The following ZNF780A variants were observed in gnomAD, a reference collection of about 807,000 sequenced individuals.
The protein encoded by ZNF780A is zinc finger protein 780A.
ZNF780A carries 40 observed loss-of-function variants against 56.7 expected under a neutral mutation model. That is an observed-to-expected ratio of 0.71 (90% confidence interval 0.55 to 0.92). The LOEUF (loss-of-function observed/expected upper bound fraction) is 0.92. ZNF780A is among the 40% of genes least tolerant of loss of function. The pLI, the probability that ZNF780A is intolerant of heterozygous loss-of-function variation, is 0.00. For synonymous variants in ZNF780A, 231 were observed against 248.3 expected (o/e 0.93, Z 0.66); for missense variants, 672 against 783.3 (o/e 0.86, Z 1.70).
chr19:40,084,525 G>A (rs1599849748), intron 3 of ZNF780A, among the ~76,000 whole-genome samples: 1 of 151,928 alleles, frequency 6.6e-6, no homozygotes, highest in Non-Finnish European at 1.5e-5. Context: ...AGCACAGACT[G>A]AATAACTTTT....
At position 40,074,131 on chromosome 19, in the gene ZNF780A, G is replaced by T; in HGVS notation, c.*385C>A. On this transcript the variant is annotated 3_prime_UTR_variant, in exon 6 of 6. Coordinates refer to ENST00000683561, the MANE Select transcript of ZNF780A (RefSeq NM_001142578.2). ...TTCTCACCAGTATGAATACTCTGAT[G>T]TTGAACAAGGTTTGAGCCACTATTG... The T allele has an allele frequency of 7.4e-7, 1 of 1,355,238 alleles. No homozygotes were observed. The highest frequency in any genetic ancestry group is 9.7e-7 in the Non-Finnish European group (1 of 1,034,998). The allele number at this position is 1,355,238 out of a possible 1,614,324, so 84.0% of individuals were successfully genotyped here. A position where few individuals can be genotyped will look rare whatever the true frequency, so the allele number is the denominator to read the frequency against.
intron 5 of ZNF780A, among the ~76,000 whole-genome samples, chr19:40,076,981 T>C (rs1008522048): frequency 2.6e-5 from 4 of 152,164 alleles, no homozygotes; most frequent in African/African-American, 7.2e-5. Context: ...TCACTACTAC[T>C]ACCATCACCC....
At chr19:40,081,949 T>C in intron 4 of ZNF780A, 35 bp from the exon 5 acceptor site, 1 of 1,519,978 alleles carries the variant, frequency 6.6e-7, no homozygotes, top group Non-Finnish European at 8.9e-7. Flanking sequence ...AGAATTTTTT[T>C]AATACAGATT....
At chr19:40,085,877 TA>T (rs908578792) in intron 2 of ZNF780A, among the ~76,000 whole-genome samples, 14 of 150,438 alleles carry the variant, frequency 9.3e-5, no homozygotes, top group Non-Finnish European at 1.6e-4. Context: ...AGCCTTCATA[TA>T]AAAAAAAATT....
chr19:40,083,777 T>C (rs1156744282), intron 3 of ZNF780A, among the ~76,000 whole-genome samples: 1 of 152,104 alleles, frequency 6.6e-6, no homozygotes, highest in Non-Finnish European at 1.5e-5. Flanking sequence ...TCATGACAAC[T>C]GATTTTTATA....
rs948384988 is a variant in ZNF780A at position 40,074,454 on chromosome 19, G to A, written c.*62C>T. On this transcript the variant is annotated 3_prime_UTR_variant, in exon 6 of 6. Transcript: ENST00000683561. ...CATTCACATGGTTTTACACCAGCAC[G>A]AATACTCTGATGTTGAACATGGTTT... The A allele has an allele frequency of 7.3e-5, 117 of 1,598,214 alleles. No homozygotes were observed. The highest frequency in any genetic ancestry group is 1.7e-4 in the Middle Eastern group (1 of 6,012).
Position 40,074,826 on chromosome 19 carries a change from C to T in ZNF780A, c.1616G>A (p.Arg539His), listed in dbSNP as rs144970820. Residue 539 changes from arginine (R) to histidine (H), a missense_variant, in exon 6 of 6, where the codon CGT becomes CAT. By Grantham distance (29) the Arg-to-His change is conservative. Transcript: ENST00000683561. ...ATGTTGATTAAGATTTGAACCACGA[C>T]GAAAGAATTTCCCACATTCCTTACA... ...FECKECGKFF[R>H]RGSNLNQHRS... The T allele has an allele frequency of 9.7e-5, 156 of 1,614,064 alleles. No homozygotes were observed. The highest frequency in any genetic ancestry group is 1.6e-4 in the South Asian group (15 of 91,068).
chr19:40,089,395 A>G (rs191621096), intron 2 of ZNF780A: 333 of 954,560 alleles, frequency 3.5e-4, no homozygotes, highest in Non-Finnish European at 4.7e-4. Flanking sequence ...AATGAATCAC[A>G]TATTCCCAAT....
intron 3 of ZNF780A, 143 bp from the exon 4 acceptor site, chr19:40,083,380 G>T: frequency 1.5e-6 from 2 of 1,323,496 alleles, no homozygotes; most frequent in Non-Finnish European, 2.0e-6. Context: ...GAAGTCTCCT[G>T]CTGGCTGAGT....
In ZNF780A at chr19:40,075,050, A is replaced by G; in HGVS notation, c.1392T>C (p.Ser464=). Residue 464 remains serine, a synonymous_variant, in exon 6 of 6, where the codon TCT becomes TCC. Transcript: ENST00000683561. ...FRYHCQLIEH[S]RIHTGDKPFE... is the part of the protein sequence containing the mutation. ...ATGGCTTGTCACCAGTATGAATTCGAGAATGTTCAATAAGTTGGCAATGAT... is the reference window on the plus strand; with the variant it reads ...ATGGCTTGTCACCAGTATGAATTCGGGAATGTTCAATAAGTTGGCAATGAT... 1 of 1,614,136 alleles carries G rather than the reference A, an allele frequency of 6.2e-7. No homozygotes were observed. The highest frequency in any genetic ancestry group is 8.5e-7 in the Non-Finnish European group (1 of 1,180,034).
At chr19:40,089,123 A>G in intron 2 of ZNF780A, 1 of 806,372 alleles carries the variant, frequency 1.2e-6, no homozygotes. Context: ...GGGTATCTCC[A>G]ATTAATAACA....
chr19:40,081,619 T>C (rs1203885246), intron 5 of ZNF780A, among the ~76,000 whole-genome samples, 200 bp downstream of exon 5: 1 of 151,972 alleles, frequency 6.6e-6, no homozygotes, highest in Non-Finnish European at 1.5e-5. Context: ...AGAAATTAGG[T>C]GATTAGTAAA....
intron 2 of ZNF780A, among the ~76,000 whole-genome samples, chr19:40,087,230 G>A (rs7258974): frequency 0.093 from 14,129 of 152,024 alleles, 1,173 homozygotes; most frequent in African/African-American, 0.21. Flanking sequence ...TTTTGATTCT[G>A]GACTACAGTT....
chr19:40,089,410 C>A, intron 2 of ZNF780A: 1 of 855,696 alleles, frequency 1.2e-6, no homozygotes. Context: ...CCCAATGCTC[C>A]TGTTCTGTAG....
intron 2 of ZNF780A, among the ~76,000 whole-genome samples, chr19:40,086,137 G>GAA (rs200817318): frequency 0.093 from 14,079 of 151,892 alleles, 1,163 homozygotes; most frequent in African/African-American, 0.21. Flanking sequence ...CTTGGGGTGG[G>GAA]AAATCAGCAT....
chr19:40,070,103 C>T (rs563571826), downstream of ZNF780A: 138 of 152,182 alleles, frequency 9.1e-4, no homozygotes, highest in African/African-American at 3.1e-3. Context: ...AATAAAAACA[C>T]ATACTCGATC....
rs1390168718 is a variant in ZNF780A, at chr19:40,090,940, G to A, written c.-150C>T. The A allele has an allele frequency of 6.6e-6, 1 of 152,396 alleles. No homozygotes were observed. Among genetic ancestry groups the A allele is most frequent in the Non-Finnish European group, 1.5e-5 (1 of 68,204 alleles). 9.4% of individuals were successfully genotyped at this position (152,396 alleles called of 1,614,324 possible). A position where few individuals can be genotyped will look rare whatever the true frequency, so the allele number is the denominator to read the frequency against. ...TCGTCGACCCCGGAGACCGGAAGTG[G>A]ACTGGCGCGGTGGCCGCTGGGAAAT... On this transcript the variant is annotated 5_prime_UTR_variant, in exon 1 of 6. Coordinates refer to ENST00000683561, the MANE Select transcript of ZNF780A (RefSeq NM_001142578.2).
chr19:40,086,251 T>C lies in ZNF780A; in HGVS notation c.-45-1453A>G, dbSNP rs199974769. 6.5e-4 allele frequency among the ~76,000 whole-genome samples: 97 copies of C among 148,948 alleles called. 2 individuals are homozygous for C. In the East Asian group the frequency reaches 0.019, roughly 29 times the overall value. ...TGTTTTTCTATGTATGTTGGAGCAA[T>C]CTCTAGAAAAAATTGTCTACAAGTC... On this transcript the variant is annotated intron_variant, in intron 2 of 5. Coordinates refer to ENST00000683561, the MANE Select transcript of ZNF780A (RefSeq NM_001142578.2).
rs750589841 is a variant in ZNF780A at position 40,075,160 on chromosome 19, G to A, written c.1282C>T (p.Arg428Cys). The change falls in exon 6 of 6, where the codon CGT (arginine) becomes TGT (cysteine). Residue 428 changes from arginine (R) to cysteine (C), a missense_variant. Arg to Cys is a radical substitution (Grantham distance 180, BLOSUM62 -3). Coordinates refer to ENST00000683561, the MANE Select transcript of ZNF780A (RefSeq NM_001142578.2). ...ECKECGKGFN[R>C]GAHLIQHQKI... Reference sequence around the variant, plus strand: ...TGATGCTGAATAAGGTGTGCACCACGATTAAAGCCTTTCCCACACTCCTTA... The same window carrying A: ...TGATGCTGAATAAGGTGTGCACCACAATTAAAGCCTTTCCCACACTCCTTA... 1.9e-5 allele frequency: 30 copies of A among 1,613,676 alleles called. No homozygotes were observed. The highest frequency in any genetic ancestry group is 6.6e-5 in the South Asian group (6 of 91,044).
Sources: allele counts gnomAD v4.1 joint callset (sites outside exome capture counted in the v4.1 genomes callset), GRCh38; gene constraint gnomAD v4.1.1; transcripts MANE v1.5; gene names NCBI Gene and HGNC (gene_info 2026-07-23, HGNC 2026-07-21).